Variants in METTL22 observed in about 807,000 individuals in gnomAD.
The protein encoded by METTL22 is methyltransferase-like protein 22.
METTL22 carries 51 observed loss-of-function variants against 48.4 expected under a neutral mutation model. That is an observed-to-expected ratio of 1.05 (90% CI 0.84 to 1.33). METTL22 has a LOEUF of 1.33. Among genes scored for constraint, METTL22 ranks in the 40% most tolerant of loss-of-function variants. The pLI is 0.00. For synonymous variants in METTL22, 255 were observed against 214.1 expected (o/e 1.19, Z -1.67); for missense variants, 678 against 526.9 (o/e 1.29, Z -2.81).
the METTL22 span, among the ~76,000 whole-genome samples, chr16:8,662,468 C>G: frequency 6.9e-6 from 1 of 144,392 alleles, no homozygotes; most frequent in African/African-American, 2.6e-5. Flanking sequence ...TCTTATTCTG[C>G]CTGCCTCAGG....
At chr16:8,650,035 C>T (rs965986441), downstream of METTL22, among the ~76,000 whole-genome samples, 1 of 152,142 alleles carries the variant, frequency 6.6e-6, no homozygotes, top group Admixed American at 6.5e-5. Flanking sequence ...GTTAAGAGCA[C>T]AAACTCTGGG....
the METTL22 span, among the ~76,000 whole-genome samples, chr16:8,663,882 A>T: frequency 1.3e-5 from 2 of 152,040 alleles, no homozygotes; most frequent in African/African-American, 4.8e-5. Context: ...ATGTCATAGG[A>T]GACTGTCCTA....
intron 5 of METTL22, 72 bp downstream of exon 5, chr16:8,635,384 A>C (rs1356450292): frequency 1.3e-5 from 19 of 1,463,890 alleles, no homozygotes; most frequent in Non-Finnish European, 1.6e-5. Flanking sequence ...GTATAAAAAA[A>C]GAGGCAGAGG....
At chr16:8,623,294 G>C (rs1363686340) in intron 1 of METTL22, among the ~76,000 whole-genome samples, 1 of 149,914 alleles carries the variant, frequency 6.7e-6, no homozygotes, top group African/African-American at 2.5e-5. Flanking sequence ...CTGGGCAACA[G>C]AGTGAGACTC....
At chr16:8,660,469 G>A in the METTL22 span, among the ~76,000 whole-genome samples, 7 of 152,120 alleles carry the variant, frequency 4.6e-5, no homozygotes, top group East Asian at 1.4e-3. Context: ...GTGACCCACT[G>A]CGCCCAGCAT....
At chr16:8,626,923 C>T (rs566063296) in intron 2 of METTL22, among the ~76,000 whole-genome samples, 1 of 151,984 alleles carries the variant, frequency 6.6e-6, no homozygotes, top group African/African-American at 2.4e-5. Flanking sequence ...CCCGCCACCA[C>T]GCCTGGCTAA....
At chr16:8,664,050 C>A in the METTL22 span, among the ~76,000 whole-genome samples, 3 of 151,440 alleles carry the variant, frequency 2.0e-5, no homozygotes, top group African/African-American at 7.3e-5. Context: ...AGGCAATGAT[C>A]TTTCCTCTTT....
chr16:8,629,165 C>A, intron 3 of METTL22, 55 bp downstream of exon 3: 3 of 1,569,704 alleles, frequency 1.9e-6, no homozygotes, highest in Non-Finnish European at 2.6e-6. Context: ...CGCAGTGTCA[C>A]TGCTCAGGGC....
chr16:8,645,651 C>T (rs1397572922), intron 10 of METTL22, among the ~76,000 whole-genome samples: 1 of 152,006 alleles, frequency 6.6e-6, no homozygotes, highest in Non-Finnish European at 1.5e-5. Flanking sequence ...TGGTGCACAC[C>T]TGTGGTCCCA....
chr16:8,657,835 G>A, the METTL22 span, among the ~76,000 whole-genome samples: 1 of 83,572 alleles, frequency 1.2e-5, no homozygotes, highest in African/African-American at 7.9e-5. Flanking sequence ...TTTTTTTTTT[G>A]AGACAAGGTT....
chr16:8,641,175 C>G lies in METTL22; in HGVS notation c.817C>G (p.Leu273Val), dbSNP rs759659335. The G allele has an allele frequency of 7.3e-5, 118 of 1,613,810 alleles. No individual in the cohort carries two copies. The highest frequency in any genetic ancestry group is 9.5e-5 in the Non-Finnish European group (112 of 1,179,934). The change falls in exon 7 of 11, where the codon CTC becomes GTC. Residue 273 changes from leucine to valine, a missense_variant. Coordinates refer to ENST00000381920, the MANE Select transcript of METTL22 (RefSeq NM_024109.4). ...AGAACTGGACTGGCTGAAGGACGAC[C>G]TCTGCACAGGTGTGTGTTTCTCTCG... ...VKELDWLKDD[L>V]CTDPKVPFSW...
downstream of METTL22, among the ~76,000 whole-genome samples, chr16:8,651,386 C>CAAAAAAAAAAAA (rs768911703): frequency 0.14 from 6,921 of 48,870 alleles, 2,003 homozygotes; most frequent in African/African-American, 0.17. Flanking sequence ...GACTCTGTCT[C>CAAAAAAAAAAAA]AAAAAAAAAA....
chr16:8,624,916 A>G (rs978639156), intron 1 of METTL22, among the ~76,000 whole-genome samples: 3 of 152,178 alleles, frequency 2.0e-5, no homozygotes, highest in Admixed American at 1.3e-4. Context: ...TTATAACAAC[A>G]AATGATGTGG....
the METTL22 span, among the ~76,000 whole-genome samples, chr16:8,656,380 T>C: frequency 1.3e-5 from 2 of 152,290 alleles, no homozygotes; most frequent in African/African-American, 2.4e-5. Context: ...CTGAGGGCCT[T>C]TTCCCCACTT....
chr16:8,645,971 G>GTGTTGTCTAA, intron 10 of METTL22, 137 bp from the exon 11 acceptor site: 1 of 1,262,368 alleles, frequency 7.9e-7, no homozygotes, highest in Non-Finnish European at 9.8e-7. Flanking sequence ...CCGCCCGTCC[G>GTGTTGTCTAA]CTCCTGCCCC....
intron 5 of METTL22, among the ~76,000 whole-genome samples, 154 bp downstream of exon 5, chr16:8,635,466 A>T (rs1731043): frequency 0.99 from 150,445 of 152,330 alleles, 74,326 homozygotes; most frequent in Middle Eastern, 1. Flanking sequence ...CTCTCCATTT[A>T]TTCTCAGTGA....
intron 7 of METTL22, 159 bp downstream of exon 7, chr16:8,641,343 G>A (rs8045911): frequency 0.89 from 654,696 of 732,626 alleles, 293,369 homozygotes; most frequent in East Asian, 1. Flanking sequence ...ATGAGCACCA[G>A]CTGTCATTCT....
At chr16:8,660,375 C>CACCCCCATCGAG in the METTL22 span, among the ~76,000 whole-genome samples, 1 of 151,930 alleles carries the variant, frequency 6.6e-6, no homozygotes, top group African/African-American at 2.4e-5. Flanking sequence ...ATGGGGGTTT[C>CACCCCCATCGAG]ACCATGTTGG....
chr16:8,625,596 C>G lies in METTL22; in HGVS notation c.-70C>G. 6.5e-7 allele frequency: 1 copy of G among 1,549,614 alleles called. No homozygotes were observed. Among genetic ancestry groups the G allele is most frequent in the Non-Finnish European group, 8.8e-7 (1 of 1,132,566 alleles). ...CCTGTCTGCAGTATCTCCTCTGGGA[C>G]CTGCCATGCTGAGGACCCATTCTCA... On this transcript the variant is annotated 5_prime_UTR_variant, in exon 2 of 11. Transcript: ENST00000381920.
Sources: gnomAD v4.1 joint callset for allele counts (sites outside exome capture counted in the v4.1 genomes callset) on GRCh38, gnomAD v4.1.1 for gene constraint, MANE v1.5 for transcripts, NCBI Gene and HGNC (gene_info 2026-07-23, HGNC 2026-07-21) for gene names.